The following KCNK2 variants were observed in gnomAD, a reference collection of about 807,000 sequenced individuals.
The protein encoded by KCNK2 is potassium two pore domain channel subfamily K member 2.
In KCNK2, 21 loss-of-function variants were observed where a neutral mutation model predicts 40.5. That is an observed-to-expected ratio of 0.52 (90% CI 0.37 to 0.75). The LOEUF (loss-of-function observed/expected upper bound fraction) is 0.75, where lower values mean the gene tolerates loss of function less well. KCNK2 is among the 30% of genes least tolerant of loss of function. The pLI, the probability that KCNK2 is intolerant of heterozygous loss-of-function variation, is 0.00. For missense variants in KCNK2, 399 were observed against 531.6 expected, an observed-to-expected ratio of 0.75 and a Z score of 2.45; for synonymous variants, 191 against 202.2, an observed-to-expected ratio of 0.94 and a Z score of 0.47.
At chr1:215,030,801 C>T (rs1033979238) in intron 1 of KCNK2, among the ~76,000 whole-genome samples, 1 of 151,610 alleles carries the variant, frequency 6.6e-6, no homozygotes, top group Admixed American at 6.6e-5. Context: ...TCCACTTCAG[C>T]CTCCCAAAGT....
chr1:215,039,375 A>G (rs945475749), intron 1 of KCNK2, among the ~76,000 whole-genome samples: 1 of 152,162 alleles, frequency 6.6e-6, no homozygotes, highest in African/African-American at 2.4e-5. Context: ...ACTGAGTTAT[A>G]TAATAATTTC....
At chr1:215,172,251 T>C (rs528269625) in intron 5 of KCNK2, 68 bp downstream of exon 5, 1 of 1,395,164 alleles carries the variant, frequency 7.2e-7, no homozygotes, top group East Asian at 2.3e-5. Flanking sequence ...TTCACTTAGG[T>C]TTATAACGAA....
intron 6 of KCNK2, among the ~76,000 whole-genome samples, chr1:215,209,452 ATT>A (rs1212097916): frequency 8.5e-4 from 19 of 22,304 alleles, no homozygotes; most frequent in Non-Finnish European, 1.1e-3. Context: ...TATAATATAT[ATT>A]ATATATTATA....
chr1:215,077,774 C>G (rs1034837844), upstream of KCNK2, among the ~76,000 whole-genome samples: 9 of 152,204 alleles, frequency 5.9e-5, no homozygotes, highest in Middle Eastern at 6.8e-3. Context: ...TTCCATTATG[C>G]TTTTCCCTTT....
intron 3 of KCNK2, among the ~76,000 whole-genome samples, chr1:215,133,795 G>A (rs1661776395): frequency 1.3e-5 from 2 of 152,066 alleles, no homozygotes; most frequent in Admixed American, 6.6e-5. Context: ...CAATGCTGAC[G>A]TGACTTATTC....
chr1:215,103,305 G>A (rs911370510), intron 2 of KCNK2, among the ~76,000 whole-genome samples: 1 of 151,728 alleles, frequency 6.6e-6, no homozygotes, highest in Non-Finnish European at 1.5e-5. Context: ...TCTCATGCAT[G>A]GGCTCTTTGT....
chr1:215,205,105 A>T (rs1321835563), intron 6 of KCNK2, among the ~76,000 whole-genome samples: 11 of 152,198 alleles, frequency 7.2e-5, no homozygotes, highest in African/African-American at 1.7e-4. Context: ...ATTAGTATTG[A>T]TCATGAAATA....
At chr1:215,163,203 G>T (rs1381609004) in intron 3 of KCNK2, among the ~76,000 whole-genome samples, 1 of 152,166 alleles carries the variant, frequency 6.6e-6, no homozygotes, top group Non-Finnish European at 1.5e-5. Flanking sequence ...GTGAATGGGA[G>T]TTCACTCATG....
At chr1:215,010,360 T>C (rs1164743811) in intron 1 of KCNK2, among the ~76,000 whole-genome samples, 3 of 152,214 alleles carry the variant, frequency 2.0e-5, no homozygotes, top group Admixed American at 6.5e-5. Flanking sequence ...TGTACAATGC[T>C]TCTGATTGGT....
chr1:215,161,587 C>T (rs1031378619), intron 3 of KCNK2, among the ~76,000 whole-genome samples: 3 of 151,044 alleles, frequency 2.0e-5, no homozygotes, highest in Non-Finnish European at 4.4e-5. Flanking sequence ...AGCACCCCAG[C>T]CCCCGACAGG....
chr1:215,204,369 T>A (rs1420331068), intron 6 of KCNK2, among the ~76,000 whole-genome samples: 1 of 152,036 alleles, frequency 6.6e-6, no homozygotes, highest in Non-Finnish European at 1.5e-5. Flanking sequence ...TAATGGAAAT[T>A]CAGAATAATT....
At chr1:215,103,486 T>C (rs1660307335) in intron 2 of KCNK2, among the ~76,000 whole-genome samples, 2 of 152,038 alleles carry the variant, frequency 1.3e-5, no homozygotes, top group Non-Finnish European at 2.9e-5. Flanking sequence ...TGTAATTATT[T>C]TATTCTTAAT....
intron 6 of KCNK2, among the ~76,000 whole-genome samples, chr1:215,227,166 A>G (rs1260990811): frequency 1.3e-5 from 2 of 152,230 alleles, no homozygotes; most frequent in East Asian, 1.9e-4. Flanking sequence ...AATATGGTGG[A>G]CATATCCTCT....
chr1:215,011,717 C>G (rs952352485), intron 1 of KCNK2, among the ~76,000 whole-genome samples: 30 of 151,994 alleles, frequency 2.0e-4, no homozygotes, highest in African/African-American at 7.0e-4. Context: ...GTGATTCTCC[C>G]GCTTCAGCCT....
chr1:215,098,536 CATG>C (rs1348898039), intron 2 of KCNK2, among the ~76,000 whole-genome samples: 12 of 151,912 alleles, frequency 7.9e-5, no homozygotes, highest in Admixed American at 2.0e-4. Context: ...TGTTAAAGAT[CATG>C]ATGATATTTC....
At chr1:215,159,864 A>G (rs1342676039) in intron 3 of KCNK2, among the ~76,000 whole-genome samples, 1 of 152,170 alleles carries the variant, frequency 6.6e-6, no homozygotes, top group Non-Finnish European at 1.5e-5. Flanking sequence ...CTAATATCAT[A>G]TATACCCAGA....
chr1:215,204,007 C>T (rs531365205), intron 6 of KCNK2, among the ~76,000 whole-genome samples: 184 of 114,768 alleles, frequency 1.6e-3, no homozygotes, highest in Admixed American at 6.3e-3. Context: ...CACTGCACTC[C>T]AGCCTGGGCG....
chr1:215,236,055 TC>T lies in KCNK2; in HGVS notation c.*911del, dbSNP rs534234617. The T allele has an allele frequency of 2.1e-5, 3 of 144,534 alleles. No homozygotes were observed. The highest frequency in any genetic ancestry group is 8.5e-5 in the African/African-American group (3 of 35,206). 9.0% of individuals were successfully genotyped at this position (144,534 alleles called of 1,614,324 possible). Reference sequence around the variant, plus strand: ...AAGGCAGAAGAAGAAAATCTATCTATCTATCTATCTATCTATCTATCTATCT... The same window carrying T: ...AAGGCAGAAGAAGAAAATCTATCTATTATCTATCTATCTATCTATCTATCT... On this transcript the variant is annotated 3_prime_UTR_variant, in exon 7 of 7. Coordinates refer to ENST00000444842, the MANE Select transcript of KCNK2 (RefSeq NM_001017425.3).
chr1:215,022,893 T>A (rs1656856696), intron 1 of KCNK2, among the ~76,000 whole-genome samples: 1 of 152,226 alleles, frequency 6.6e-6, no homozygotes, highest in South Asian at 2.1e-4. Flanking sequence ...AAGTCAGTGA[T>A]TTACTCCTTC....
Sources: gnomAD v4.1 joint callset for allele counts (sites outside exome capture counted in the v4.1 genomes callset) on GRCh38, gnomAD v4.1.1 for gene constraint, MANE v1.5 for transcripts, NCBI Gene and HGNC (gene_info 2026-07-23, HGNC 2026-07-21) for gene names.